The following SYCP1 variants were observed in gnomAD, a reference collection of about 807,000 sequenced individuals.
SYCP1 encodes the protein synaptonemal complex protein 1, also known as cancer/testis antigen 8.
Under a neutral mutation model 153.1 loss-of-function variants are expected in SYCP1, and 64 were observed. The observed-to-expected ratio is 0.42, with a 90% confidence interval of 0.34 to 0.51. The LOEUF is 0.51. SYCP1 is among the 20% of genes least tolerant of loss of function. SYCP1 has a pLI of 0.06. For synonymous variants in SYCP1, 384 were observed against 341.8 expected (o/e 1.12, Z -1.36); for missense variants, 997 against 1,049.0 (o/e 0.95, Z 0.68).
At chr1:114,908,075 C>A (rs906042387) in intron 16 of SYCP1, among the ~76,000 whole-genome samples, 4 of 152,178 alleles carry the variant, frequency 2.6e-5, no homozygotes, top group Non-Finnish European at 4.4e-5. Context: ...CTCCTTCAGC[C>A]TAAAGAACTT....
At chr1:114,883,101 A>AT (rs1666067424) in intron 12 of SYCP1, among the ~76,000 whole-genome samples, 1 of 152,008 alleles carries the variant, frequency 6.6e-6, no homozygotes, top group Admixed American at 6.6e-5. Flanking sequence ...TTTTCTCTTC[A>AT]TTTTTGGCCT....
rs200832985 is a variant in SYCP1 at position 114,855,455 on chromosome 1, A to T, written c.-10A>T. The T allele has an allele frequency of 1.0e-5, 16 of 1,607,880 alleles. No homozygotes were observed. The highest frequency in any genetic ancestry group is 2.7e-5 in the African/African-American group (2 of 74,692). On this transcript the variant is annotated 5_prime_UTR_variant, in exon 2 of 32. Transcript: ENST00000369522. ...CGGGGCAGTAGATATTTACAACCGT[A>T]ACAGAGAAAATGGAAAAGCAAAAGC...
At chr1:114,922,985 T>C (rs572330458) in intron 20 of SYCP1, among the ~76,000 whole-genome samples, 44 of 152,208 alleles carry the variant, frequency 2.9e-4, no homozygotes, top group Non-Finnish European at 5.6e-4. Flanking sequence ...CATTAAATCT[T>C]AAAGCTCCAA....
intron 27 of SYCP1, among the ~76,000 whole-genome samples, chr1:114,970,903 G>A (rs1672447798): frequency 6.6e-6 from 1 of 152,180 alleles, no homozygotes; most frequent in Non-Finnish European, 1.5e-5. Context: ...TGCTGGCAGT[G>A]AAGTTGTGAT....
intron 23 of SYCP1, among the ~76,000 whole-genome samples, chr1:114,936,067 C>G (rs1292201727): frequency 6.6e-6 from 1 of 152,154 alleles, no homozygotes; most frequent in Non-Finnish European, 1.5e-5. Flanking sequence ...CCAGCATCAT[C>G]CTGATACCAA....
intron 27 of SYCP1, among the ~76,000 whole-genome samples, chr1:114,949,897 C>A (rs922009955): frequency 6.6e-6 from 1 of 152,092 alleles, no homozygotes; most frequent in South Asian, 2.1e-4. Context: ...CCATTTACAT[C>A]GTATTGTGTT....
At chr1:114,988,386 G>GA (rs1237329820) in intron 30 of SYCP1, among the ~76,000 whole-genome samples, 2 of 151,952 alleles carry the variant, frequency 1.3e-5, no homozygotes, top group Non-Finnish European at 2.9e-5. Context: ...ACTGTTGGGA[G>GA]AAAAAATGAA....
intron 23 of SYCP1, among the ~76,000 whole-genome samples, chr1:114,942,705 A>G (rs1279350461): frequency 6.6e-6 from 1 of 151,976 alleles, no homozygotes; most frequent in Non-Finnish European, 1.5e-5. Flanking sequence ...ATAAATGTGA[A>G]GGGCAGGGCT....
At chr1:114,858,286 A>G (rs1418796415) in intron 5 of SYCP1, among the ~76,000 whole-genome samples, 6 of 152,148 alleles carry the variant, frequency 3.9e-5, no homozygotes, top group African/African-American at 1.4e-4. Context: ...AGATTCTGTC[A>G]CTAACTAAAA....
intron 26 of SYCP1, 121 bp from the exon 27 acceptor site, chr1:114,947,125 C>A: frequency 2.6e-6 from 2 of 768,370 alleles, no homozygotes; most frequent in Non-Finnish European, 2.1e-6. Flanking sequence ...AAAGTATCTA[C>A]ATTTTATGAG....
intron 28 of SYCP1, 54 bp from the exon 29 acceptor site, chr1:114,981,282 A>G: frequency 7.5e-7 from 1 of 1,338,306 alleles, no homozygotes; most frequent in East Asian, 2.5e-5. Flanking sequence ...AAAGAAATAA[A>G]TAATTAATGT....
At chr1:114,946,093 T>C (rs1252716716) in intron 25 of SYCP1, among the ~76,000 whole-genome samples, 196 bp from the exon 26 acceptor site, 1 of 152,028 alleles carries the variant, frequency 6.6e-6, no homozygotes, top group East Asian at 1.9e-4. Context: ...TGAGGTTGTT[T>C]GAATGAAAAA....
At chr1:114,986,731 A>T (rs1673538382) in intron 30 of SYCP1, among the ~76,000 whole-genome samples, 1 of 152,032 alleles carries the variant, frequency 6.6e-6, no homozygotes, top group African/African-American at 2.4e-5. Flanking sequence ...TGGAGTAGGA[A>T]GTGCCAGGAA....
Position 114,944,893 on chromosome 1 carries a change from G to A in SYCP1, c.2065G>A (p.Ala689Thr). 3 of 1,596,404 alleles carry A rather than the reference G, an allele frequency of 1.9e-6. No homozygotes were observed. The highest frequency in any genetic ancestry group is 2.6e-6 in the Non-Finnish European group (3 of 1,173,598). Residue 689 changes from alanine to threonine, a missense_variant, in exon 25 of 32, where the codon GCT becomes ACT. By Grantham distance (58) the Ala-to-Thr change is moderately conservative. Around this residue, in one of 2 missense-constraint regions of SYCP1, gnomAD observed 712 missense variants for 682.9 expected, o/e 1.04. Coordinates refer to ENST00000369522, the MANE Select transcript of SYCP1 (RefSeq NM_003176.4). ...ATAGGTTGAGAAAGCAAAAGTAATA[G>A]CTGATGAAGCAGTAAAATTACAGAA... Reference protein sequence around the residue: ...LEEVEKAKVIADEAVKLQKEI... With the variant: ...LEEVEKAKVITDEAVKLQKEI...
chr1:114,908,020 T>A (rs941787901), intron 16 of SYCP1, among the ~76,000 whole-genome samples: 4 of 152,164 alleles, frequency 2.6e-5, no homozygotes, highest in African/African-American at 4.8e-5. Flanking sequence ...AGTTGTGATA[T>A]TCTTTATTTT....
chr1:114,961,182 A>T (rs1452898558), intron 27 of SYCP1, among the ~76,000 whole-genome samples: 1 of 152,038 alleles, frequency 6.6e-6, no homozygotes, highest in Non-Finnish European at 1.5e-5. Context: ...TTTCTCTGGT[A>T]TCAGTTGTAA....
chr1:114,905,471 G>T (rs1485855068), intron 16 of SYCP1, among the ~76,000 whole-genome samples: 2 of 152,178 alleles, frequency 1.3e-5, no homozygotes, highest in Admixed American at 6.5e-5. Context: ...CTAAGGGCAG[G>T]ATTTACGGGA....
intron 27 of SYCP1, among the ~76,000 whole-genome samples, chr1:114,970,846 T>A (rs1672443957): frequency 6.6e-6 from 1 of 152,156 alleles, no homozygotes; most frequent in Admixed American, 6.5e-5. Flanking sequence ...ATGAGAGTCC[T>A]TGGTTGTAGT....
intron 16 of SYCP1, chr1:114,910,019 AT>A (rs1330468023): frequency 2.0e-5 from 3 of 153,734 alleles, no homozygotes; most frequent in African/African-American, 7.2e-5. Flanking sequence ...CTTAACTACA[AT>A]TAGTAGTTTT....
Sources: gnomAD v4.1 joint callset for allele counts (sites outside exome capture counted in the v4.1 genomes callset) on GRCh38, gnomAD v4.1.1 for gene constraint, gnomAD v4.1.1 regional missense constraint, MANE v1.5 for transcripts, NCBI Gene and HGNC (gene_info 2026-07-23, HGNC 2026-07-21) for gene names.